Variants in PPP1R10 observed in about 807,000 individuals in gnomAD.
PPP1R10 encodes protein phosphatase 1 regulatory subunit 10.
PPP1R10 carries 15 observed loss-of-function variants against 99.0 expected under a neutral mutation model. The observed-to-expected ratio is 0.15, with a 90% confidence interval of 0.10 to 0.23. The LOEUF (loss-of-function observed/expected upper bound fraction) is 0.23. Among genes scored for constraint, PPP1R10 ranks in the 10% least tolerant of loss-of-function variants. The probability of loss-of-function intolerance (pLI) is 1.00; values close to 1 mark genes in which losing one functional copy is unlikely to be tolerated. For synonymous variants in PPP1R10, 430 were observed against 449.5 expected, an observed-to-expected ratio of 0.96 and a Z score of 0.55; for missense variants, 947 against 1,259.4, an observed-to-expected ratio of 0.75 and a Z score of 3.75.
At chr6:30,607,947 T>G in intron 5 of PPP1R10, 56 bp from the exon 6 acceptor site, 1 of 1,567,030 alleles carries the variant, frequency 6.4e-7, no homozygotes, top group East Asian at 2.2e-5. Context: ...TAATTCCACT[T>G]AGAGCTAAAA....
At position 30,601,411 on chromosome 6, in the gene PPP1R10, AAGC is replaced by A. The variant is rs1418419834; in HGVS notation, c.*135_*137del. On this transcript the variant is annotated 3_prime_UTR_variant, in exon 20 of 20. Coordinates refer to ENST00000376511, the MANE Select transcript of PPP1R10 (RefSeq NM_002714.4). ...GTGATCAGAAAACCCCCAGGAACCC[AAGC>A]AAGTGGGAACTGAGGGGGCCGGCTC... The A allele has an allele frequency of 7.3e-6, 5 of 681,186 alleles. No homozygotes were observed. The African/African-American group carries it at 9.1e-5, about 12-fold the overall frequency. The allele number at this position is 681,186 out of a possible 1,614,324, so 42.2% of individuals were successfully genotyped here.
In PPP1R10 at chr6:30,603,679, C is replaced by CA. The variant is rs11420043; in HGVS notation, c.1573-14dup. The stretch of plus-strand genomic sequence containing the variant: ...CCATGGAACACTCCTGAAAGAAGAA[C>CA]AAAAAAAATCAGGATTGACAGAACA... On this transcript the variant is annotated splice_polypyrimidine_tract_variant and intron_variant, in intron 15 of 19. Transcript: ENST00000376511. 13,772 of 1,565,888 alleles carry CA rather than the reference C, an allele frequency of 8.8e-3. 228 individuals are homozygous for CA. The highest frequency in any genetic ancestry group is 0.041 in the South Asian group (3,506 of 84,750).
At position 30,613,573 on chromosome 6, in the gene PPP1R10, C is replaced by T. The variant is rs888843258; in HGVS notation, c.-12+2905G>A. ...TCATTTTGCAAACCTGATACATGAGCTCCTCAAAAGCTTATCTGCCTTCCA... is the reference window on the plus strand; with the variant it reads ...TCATTTTGCAAACCTGATACATGAGTTCCTCAAAAGCTTATCTGCCTTCCA... On this transcript the variant is annotated intron_variant, in intron 2 of 19. Coordinates refer to ENST00000376511, the MANE Select transcript of PPP1R10 (RefSeq NM_002714.4). 4.0e-5 allele frequency among the ~76,000 whole-genome samples: 6 copies of T among 150,684 alleles called. 1 individual carries two copies. Among genetic ancestry groups the T allele is most frequent in the Admixed American group, 4.0e-4 (6 of 15,138 alleles).
At position 30,615,438 on chromosome 6, in the gene PPP1R10, G is replaced by A. The variant is rs1192343060; in HGVS notation, c.-12+1040C>T. Among the ~76,000 whole-genome samples the A allele has an allele frequency of 3.1e-4, 47 of 152,156 alleles. 1 individual carries two copies. Among genetic ancestry groups the A allele is most frequent in the Admixed American group, 3.1e-3 (47 of 15,272 alleles). ...CCCTATAGAGGGAAAGGGGGAGGAA[G>A]GACTTGGACCCCTCTCAACAAATAG... On this transcript the variant is annotated intron_variant, in intron 2 of 19. Coordinates refer to ENST00000376511, the MANE Select transcript of PPP1R10 (RefSeq NM_002714.4).
At position 30,602,729 on chromosome 6, in the gene PPP1R10, C is replaced by G; in HGVS notation, c.1958-38G>C. 30 of 1,591,336 alleles carry G rather than the reference C, an allele frequency of 1.9e-5. No individual in the cohort carries two copies. Among genetic ancestry groups the G allele is most frequent in the Middle Eastern group, 1.7e-4 (1 of 6,028 alleles). ...AAAAAAGAGAGACAGTATCAGCTACCAGGAACTGCCATCTCCCAACCTAAA... is the reference window on the plus strand; with the variant it reads ...AAAAAAGAGAGACAGTATCAGCTACGAGGAACTGCCATCTCCCAACCTAAA... On this transcript the variant is annotated intron_variant, in intron 18 of 19. Transcript: ENST00000376511. This position sits in a 1 kb window ranked among gnomAD's most constrained non-coding sequence, Gnocchi z 6.7.
At position 30,609,726 on chromosome 6, in the gene PPP1R10, ACTAT is replaced by A. The variant is rs1236770608; in HGVS notation, c.107+108_107+111del. The A allele has an allele frequency of 1.1e-6, 1 of 919,332 alleles. No homozygotes were observed. Among genetic ancestry groups the A allele is most frequent in the Non-Finnish European group, 1.8e-6 (1 of 565,118 alleles). 56.9% of individuals were successfully genotyped at this position (919,332 alleles called of 1,614,324 possible). On this transcript the variant is annotated intron_variant, in intron 3 of 19. Transcript: ENST00000376511. This position sits in a 1 kb window ranked among gnomAD's most constrained non-coding sequence, Gnocchi z 4.5. ...GTTACATTTTAATCCTATTGCACTG[ACTAT>A]CTTTCCCTTTCCTTTCCAGGATCAT...
chr6:30,602,083 GCCC>G lies in PPP1R10; in HGVS notation c.2563_2565del (p.Gly855del), dbSNP rs1803379738. ...ACATCATGAGGCCGGTGGCCATGGG[GCCC>G]CCCGTGTCCAGGGCCTTCATGGGGA... On this transcript the variant is annotated inframe_deletion, in exon 19 of 20. Coordinates refer to ENST00000376511, the MANE Select transcript of PPP1R10 (RefSeq NM_002714.4). The surrounding 1 kb of genome is among the most constrained non-coding windows in gnomAD (Gnocchi z 6.7). 1 of 1,579,326 alleles carries G rather than the reference GCCC, an allele frequency of 6.3e-7. No individual in the cohort carries two copies. The highest frequency in any genetic ancestry group is 8.6e-7 in the Non-Finnish European group (1 of 1,159,906).
intron 2 of PPP1R10, among the ~76,000 whole-genome samples, chr6:30,610,559 C>G (rs1003302080): frequency 6.6e-6 from 1 of 152,164 alleles, no homozygotes; most frequent in African/African-American, 2.4e-5. Flanking sequence ...GAATCCCTCC[C>G]TAAGGAGATC....
chr6:30,606,730 C>A lies in PPP1R10; in HGVS notation c.460+49G>T. The A allele has an allele frequency of 1.9e-6, 3 of 1,609,712 alleles. No individual in the cohort carries two copies. The highest frequency in any genetic ancestry group is 8.5e-7 in the Non-Finnish European group (1 of 1,176,062). ...GACTGGGAGCACCTAAAGGCCACAT[C>A]CCAATAGGAAAGAAATAAATACAAA... On this transcript the variant is annotated intron_variant, in intron 7 of 19. Coordinates refer to ENST00000376511, the MANE Select transcript of PPP1R10 (RefSeq NM_002714.4). This position sits in a 1 kb window ranked among gnomAD's most constrained non-coding sequence, Gnocchi z 6.3.
rs1274681715 is a variant in PPP1R10 at position 30,606,688 on chromosome 6, C to T, written c.461-47G>A. 5.6e-6 allele frequency: 9 copies of T among 1,612,986 alleles called. No individual in the cohort carries two copies. The highest frequency in any genetic ancestry group is 1.3e-5 in the African/African-American group (1 of 74,868). ...GAAAAGGATTTTATTTAGATGAACACTGTCAGAGGTGAAGCAGACTGGGAG... is the reference window on the plus strand; with the variant it reads ...GAAAAGGATTTTATTTAGATGAACATTGTCAGAGGTGAAGCAGACTGGGAG... On this transcript the variant is annotated intron_variant, in intron 7 of 19. Coordinates refer to ENST00000376511, the MANE Select transcript of PPP1R10 (RefSeq NM_002714.4). This position sits in a 1 kb window ranked among gnomAD's most constrained non-coding sequence, Gnocchi z 6.3.
Position 30,604,271 on chromosome 6 carries a change from AAAAGCAAGAGGG to A in PPP1R10, c.1262-29_1262-18del. ...TCACATTTACTGTCGGCAGGGGAAGAAAAGCAAGAGGGAAAGTAAGCACAACCAAGTCCTTTC... is the reference window on the plus strand; with the variant it reads ...TCACATTTACTGTCGGCAGGGGAAGAAAAGTAAGCACAACCAAGTCCTTTC... On this transcript the variant is annotated intron_variant, in intron 13 of 19. Coordinates refer to ENST00000376511, the MANE Select transcript of PPP1R10 (RefSeq NM_002714.4). This position sits in a 1 kb window ranked among gnomAD's most constrained non-coding sequence, Gnocchi z 7.3. The A allele has an allele frequency of 6.2e-7, 1 of 1,613,946 alleles. No homozygotes were observed. Among genetic ancestry groups the A allele is most frequent in the East Asian group, 2.2e-5 (1 of 44,876 alleles).
In PPP1R10 at chr6:30,602,510, G is replaced by C; in HGVS notation, c.2139C>G (p.Asn713Lys). 6.4e-7 allele frequency: 1 copy of C among 1,571,856 alleles called. No homozygotes were observed. Among genetic ancestry groups the C allele is most frequent in the Non-Finnish European group, 8.6e-7 (1 of 1,157,090 alleles). The change falls in exon 19 of 20, where the codon AAC becomes AAG. Residue 713 changes from asparagine (N) to lysine (K), a missense_variant. This residue lies in a region of PPP1R10 where 525 missense variants were observed against 578.8 expected (regional missense o/e 0.91). Coordinates refer to ENST00000376511, the MANE Select transcript of PPP1R10 (RefSeq NM_002714.4). The surrounding 1 kb of genome is among the most constrained non-coding windows in gnomAD (Gnocchi z 6.7). ...ATGGAGGAGGAGGAGGAGGAGGTTC[G>C]TTTCCTCCTCGGCCACCTCGGCCTC... ...YHRGRGGRGGNEPPPPPPPFR... is the reference protein window; with the variant it reads ...YHRGRGGRGGKEPPPPPPPFR...
Position 30,602,724 on chromosome 6 carries a change from G to A in PPP1R10, c.1958-33C>T. On this transcript the variant is annotated intron_variant, in intron 18 of 19. Coordinates refer to ENST00000376511, the MANE Select transcript of PPP1R10 (RefSeq NM_002714.4). This position sits in a 1 kb window ranked among gnomAD's most constrained non-coding sequence, Gnocchi z 6.7. ...GGGACAAAAAAGAGAGACAGTATCA[G>A]CTACCAGGAACTGCCATCTCCCAAC... The A allele has an allele frequency of 6.3e-7, 1 of 1,597,116 alleles. No individual in the cohort carries two copies. The highest frequency in any genetic ancestry group is 1.8e-5 in the Admixed American group (1 of 56,536).
intron 17 of PPP1R10, 95 bp from the exon 18 acceptor site, chr6:30,603,054 C>A (rs1803537234): frequency 2.9e-6 from 4 of 1,374,152 alleles, no homozygotes; most frequent in African/African-American, 2.9e-5. Context: ...CTCAAACCAA[C>A]CTGGCAGAGC....
intron 14 of PPP1R10, 21 bp downstream of exon 14, chr6:30,603,987 C>T (rs1316534437): frequency 1.3e-6 from 2 of 1,562,474 alleles, no homozygotes; most frequent in Non-Finnish European, 1.7e-6. Flanking sequence ...CATCCCAGGG[C>T]ACGAACCCCA....
Position 30,605,643 on chromosome 6 carries a change from G to A in PPP1R10, c.853+280C>T, listed in dbSNP as rs376833777. On this transcript the variant is annotated intron_variant, in intron 10 of 19. Coordinates refer to ENST00000376511, the MANE Select transcript of PPP1R10 (RefSeq NM_002714.4). ...TGGGAAGCTGAGGTGGGTGGATCAC[G>A]AGGTCAGGAAATCAAGACCATCCTG... Among the ~76,000 whole-genome samples the A allele has an allele frequency of 1.8e-4, 27 of 152,118 alleles. 3 individuals carry two copies. The highest frequency in any genetic ancestry group is 1.2e-3 in the East Asian group (6 of 5,160).
chr6:30,609,278 G>A lies in PPP1R10; in HGVS notation c.108-115C>T. 1 of 902,642 alleles carries A rather than the reference G, an allele frequency of 1.1e-6. No homozygotes were observed. The highest frequency in any genetic ancestry group is 1.8e-6 in the Non-Finnish European group (1 of 569,074). The allele number at this position is 902,642 out of a possible 1,614,324, so 55.9% of individuals were successfully genotyped here. On this transcript the variant is annotated intron_variant, in intron 3 of 19. Coordinates refer to ENST00000376511, the MANE Select transcript of PPP1R10 (RefSeq NM_002714.4). The surrounding 1 kb of genome is among the most constrained non-coding windows in gnomAD (Gnocchi z 4.5). ...TAATGACTTGGGACTTTGCTCCAGA[G>A]AAGGGGAGTCACATATACCTCTAGG...
chr6:30,608,600 C>T (rs566727339), intron 5 of PPP1R10, among the ~76,000 whole-genome samples, 179 bp downstream of exon 5: 22 of 152,290 alleles, frequency 1.4e-4, no homozygotes, highest in African/African-American at 4.8e-4. Flanking sequence ...CGTGCCCAGC[C>T]GCCACACACC....
rs778393681 is a variant in PPP1R10 at position 30,604,953 on chromosome 6, T to C, written c.954+41A>G. On this transcript the variant is annotated intron_variant, in intron 11 of 19. Transcript: ENST00000376511. The surrounding 1 kb of genome is among the most constrained non-coding windows in gnomAD (Gnocchi z 7.3). ...CTGTGCCCTTTCTTCTACTTTACCT[T>C]TTATACTCTGTCACTGAAACCTACT... 2 of 1,595,352 alleles carry C rather than the reference T, an allele frequency of 1.3e-6. No homozygotes were observed. Among genetic ancestry groups the C allele is most frequent in the South Asian group, 2.2e-5 (2 of 90,692 alleles).
Sources: allele counts gnomAD v4.1 joint callset (sites outside exome capture counted in the v4.1 genomes callset), GRCh38; gene constraint gnomAD v4.1.1; regional missense constraint gnomAD v4.1.1; non-coding constraint Gnocchi (gnomAD v3.1); transcripts MANE v1.5; gene names NCBI Gene and HGNC (gene_info 2026-07-23, HGNC 2026-07-21).